The following PCSK5 variants were observed in gnomAD, a reference collection of about 807,000 sequenced individuals.
PCSK5 encodes proprotein convertase subtilisin/kexin type 5.
In PCSK5, 129 loss-of-function variants were observed where a neutral mutation model predicts 233.2. The observed-to-expected ratio is 0.55, with a 90% CI of 0.48 to 0.64. PCSK5 has a LOEUF of 0.64. Among genes scored for constraint, PCSK5 ranks in the 30% least tolerant of loss-of-function variants. The pLI is 0.00. For synonymous variants in PCSK5, 825 were observed against 879.2 expected (o/e 0.94, Z 1.09); for missense variants, 2,076 against 2,430.1 (o/e 0.85, Z 3.06).
intron 1 of PCSK5, among the ~76,000 whole-genome samples, chr9:75,898,073 T>G (rs1401181782): frequency 6.6e-6 from 1 of 152,220 alleles, no homozygotes; most frequent in African/African-American, 2.4e-5. Context: ...TTACCTGATC[T>G]GCACTTTCTT....
chr9:76,181,571 A>C lies in PCSK5; in HGVS notation c.2177A>C (p.Asp726Ala). ...ETNSCVTHCPDGSYQDTKKNL... is the reference protein window; with the variant it reads ...ETNSCVTHCPAGSYQDTKKNL... ...AACAGCTGTGTTACTCACTGCCCTG[A>C]TGGGTCATATCAGGATACCAGTAAG... Residue 726 changes from aspartate (D) to alanine (A), a missense_variant, in exon 16 of 38, where the codon GAT becomes GCT. Coordinates refer to ENST00000674117, the MANE Select transcript of PCSK5 (RefSeq NM_001372043.1). The C allele has an allele frequency of 1.1e-5, 18 of 1,612,976 alleles. No individual in the cohort carries two copies. The highest frequency in any genetic ancestry group is 1.5e-5 in the Non-Finnish European group (18 of 1,179,148).
At chr9:76,038,526 T>C (rs1264880374) in intron 5 of PCSK5, among the ~76,000 whole-genome samples, 1 of 152,106 alleles carries the variant, frequency 6.6e-6, no homozygotes, top group Non-Finnish European at 1.5e-5. Context: ...TCCAAAGGAG[T>C]GGGAAATAGG....
intron 10 of PCSK5, among the ~76,000 whole-genome samples, chr9:76,146,491 A>G (rs1823443806): frequency 2.0e-5 from 3 of 150,592 alleles, no homozygotes; most frequent in Non-Finnish European, 4.4e-5. Flanking sequence ...TTCCAAGTCC[A>G]ACATATAAAT....
At chr9:76,135,927 CTGT>C (rs1189984670) in intron 10 of PCSK5, among the ~76,000 whole-genome samples, 27 of 152,008 alleles carry the variant, frequency 1.8e-4, no homozygotes, top group Non-Finnish European at 8.8e-5. Context: ...CTGAAAACCT[CTGT>C]TGGTTTAGGA....
chr9:76,336,605 G>A (rs1370571007), intron 34 of PCSK5, among the ~76,000 whole-genome samples: 1 of 152,148 alleles, frequency 6.6e-6, no homozygotes, highest in Non-Finnish European at 1.5e-5. Context: ...AATTCTCTAA[G>A]CTTCAATGTT....
chr9:76,057,033 A>G (rs1247199470), intron 5 of PCSK5, among the ~76,000 whole-genome samples: 1 of 152,136 alleles, frequency 6.6e-6, no homozygotes, highest in East Asian at 1.9e-4. Flanking sequence ...ATTCATGTGT[A>G]GGTACATGTA....
At chr9:76,138,307 A>G (rs1287915271) in intron 10 of PCSK5, among the ~76,000 whole-genome samples, 1 of 152,102 alleles carries the variant, frequency 6.6e-6, no homozygotes, top group Non-Finnish European at 1.5e-5. Flanking sequence ...CTCATCATCT[A>G]AAATTCAGGT....
At chr9:75,913,361 T>TGAG (rs1587354015) in intron 1 of PCSK5, among the ~76,000 whole-genome samples, 1 of 152,218 alleles carries the variant, frequency 6.6e-6, no homozygotes, top group East Asian at 1.9e-4. Flanking sequence ...CATTTGCACT[T>TGAG]GAGGTAGGGG....
At chr9:76,040,419 G>T in intron 5 of PCSK5, among the ~76,000 whole-genome samples, 2 of 96,274 alleles carry the variant, frequency 2.1e-5, no homozygotes, top group Non-Finnish European at 4.1e-5. Context: ...CTCTCAACAG[G>T]TCTTTCCTCA....
chr9:76,281,008 G>T (rs1827846968), intron 24 of PCSK5, among the ~76,000 whole-genome samples: 1 of 152,150 alleles, frequency 6.6e-6, no homozygotes, highest in Non-Finnish European at 1.5e-5. Flanking sequence ...AGCTGAGAGA[G>T]GTAAGGAAGC....
intron 20 of PCSK5, among the ~76,000 whole-genome samples, chr9:76,221,093 C>T (rs902250374): frequency 6.6e-5 from 10 of 152,160 alleles, no homozygotes; most frequent in Admixed American, 6.5e-5. Context: ...TACAGCCTAA[C>T]GGGCAAAACA....
chr9:76,007,116 G>A (rs1224740275), intron 3 of PCSK5, among the ~76,000 whole-genome samples: 3 of 151,970 alleles, frequency 2.0e-5, no homozygotes, highest in African/African-American at 7.3e-5. Flanking sequence ...CTTGTAATTA[G>A]TTTTTATTTC....
intron 32 of PCSK5, among the ~76,000 whole-genome samples, chr9:76,326,395 A>G (rs1829359960): frequency 1.1e-5 from 1 of 94,058 alleles, no homozygotes; most frequent in Non-Finnish European, 2.5e-5. Context: ...CAAAAAAAAG[A>G]AAAAAAAATC....
intron 2 of PCSK5, among the ~76,000 whole-genome samples, chr9:75,972,192 T>TA (rs1211051960): frequency 6.6e-6 from 1 of 152,194 alleles, no homozygotes; most frequent in Non-Finnish European, 1.5e-5. Context: ...TGGTTATAGA[T>TA]ATGTGGTCTT....
At chr9:76,283,023 C>T (rs751429391) in intron 24 of PCSK5, among the ~76,000 whole-genome samples, 51 of 152,140 alleles carry the variant, frequency 3.4e-4, no homozygotes, top group Non-Finnish European at 6.8e-4. Flanking sequence ...GACTGAATTG[C>T]TACAATCTCA....
intron 9 of PCSK5, 35 bp downstream of exon 9, chr9:76,107,386 C>T (rs373994859): frequency 6.0e-5 from 85 of 1,406,608 alleles, no homozygotes; most frequent in Middle Eastern, 1.8e-4. Context: ...TCAATGGTGA[C>T]AACCCCTGAT....
chr9:76,006,683 A>C (rs1247826344), intron 3 of PCSK5, among the ~76,000 whole-genome samples: 1 of 152,114 alleles, frequency 6.6e-6, no homozygotes, highest in Non-Finnish European at 1.5e-5. Context: ...GCAAATAAAT[A>C]TGTTTCATCC....
At chr9:76,327,387 G>A (rs542012536) in intron 32 of PCSK5, among the ~76,000 whole-genome samples, 14 of 152,238 alleles carry the variant, frequency 9.2e-5, no homozygotes, top group South Asian at 6.2e-4. Flanking sequence ...GATTACAGGC[G>A]TAAGCCACTG....
Position 76,170,853 on chromosome 9 carries a change from C to A in PCSK5, c.1756+1013C>A, listed in dbSNP as rs370843675. ...AAAGGGCACGTTTGCCAGACTTTTG[C>A]CTGCCAATCTGAGAAAGTTACTCAT... On this transcript the variant is annotated intron_variant, in intron 13 of 37. Coordinates refer to ENST00000674117, the MANE Select transcript of PCSK5 (RefSeq NM_001372043.1). 1.2e-4 allele frequency among the ~76,000 whole-genome samples: 19 copies of A among 152,312 alleles called. No homozygotes were observed. In the East Asian group the frequency reaches 2.9e-3, roughly 23 times the overall value.
Sources: gnomAD v4.1 joint callset for allele counts (sites outside exome capture counted in the v4.1 genomes callset) on GRCh38, gnomAD v4.1.1 for gene constraint, MANE v1.5 for transcripts, NCBI Gene and HGNC (gene_info 2026-07-23, HGNC 2026-07-21) for gene names.